The following ARHGAP15 variants were observed in gnomAD, a reference collection of about 807,000 sequenced individuals.
The protein encoded by ARHGAP15 is rho GTPase-activating protein 15.
In ARHGAP15, 51 loss-of-function variants were observed where a neutral mutation model predicts 63.7. The ratio of observed to expected loss-of-function variants is 0.80; its 90% CI spans 0.64 to 1.01. The LOEUF (loss-of-function observed/expected upper bound fraction) is 1.01, where lower values mean the gene tolerates loss of function less well. Ranked by LOEUF, ARHGAP15 falls within the 50% of genes least tolerant of loss-of-function variation. The pLI is 0.00. For synonymous variants in ARHGAP15, 191 were observed against 193.8 expected, an observed-to-expected ratio of 0.99 and a Z score of 0.12; for missense variants, 560 against 564.6, an observed-to-expected ratio of 0.99 and a Z score of 0.08.
intron 8 of ARHGAP15, among the ~76,000 whole-genome samples, chr2:143,443,186 T>C (rs1463976322): frequency 1.3e-5 from 2 of 152,176 alleles, no homozygotes; most frequent in East Asian, 1.9e-4. Context: ...TTTTTTCTTA[T>C]TAAGAATTTT....
chr2:143,728,031 C>T (rs1685360567), intron 13 of ARHGAP15, among the ~76,000 whole-genome samples: 2 of 152,190 alleles, frequency 1.3e-5, no homozygotes, highest in South Asian at 4.1e-4. Flanking sequence ...TCTGGATAAT[C>T]CCAGACTGTG....
Position 143,768,310 on chromosome 2 carries a change from TTG to T in ARHGAP15, c.*142_*143del. Reference sequence around the variant, plus strand: ...ATTTTGTGAAAACTTAATGATGATTTTGTGTTTAAGTTCCAAACATTTGAATA... The same window carrying T: ...ATTTTGTGAAAACTTAATGATGATTTTGTTTAAGTTCCAAACATTTGAATA... On this transcript the variant is annotated 3_prime_UTR_variant, in exon 14 of 14. Coordinates refer to ENST00000295095, the MANE Select transcript of ARHGAP15 (RefSeq NM_018460.4). 1 of 829,352 alleles carries T rather than the reference TTG, an allele frequency of 1.2e-6. No individual in the cohort carries two copies. Among genetic ancestry groups the T allele is most frequent in the Non-Finnish European group, 1.9e-6 (1 of 539,196 alleles). The allele number at this position is 829,352 out of a possible 1,614,324, so 51.4% of individuals were successfully genotyped here.
intron 9 of ARHGAP15, among the ~76,000 whole-genome samples, chr2:143,488,180 C>T (rs551362174): frequency 2.0e-5 from 3 of 152,334 alleles, no homozygotes; most frequent in Admixed American, 6.5e-5. Flanking sequence ...CTCTGTGCCT[C>T]AGCTTTCTCA....
chr2:143,404,033 A>C (rs1021013283), intron 6 of ARHGAP15, among the ~76,000 whole-genome samples: 3 of 151,864 alleles, frequency 2.0e-5, no homozygotes, highest in African/African-American at 7.2e-5. Context: ...CATAATGTTA[A>C]TATTTACTGG....
At chr2:143,639,888 T>C (rs534063297) in intron 12 of ARHGAP15, among the ~76,000 whole-genome samples, 1 of 152,268 alleles carries the variant, frequency 6.6e-6, no homozygotes, top group East Asian at 1.9e-4. Context: ...TTTAACGTCT[T>C]TGTTAAAACA....
chr2:143,567,404 C>T (rs1696273103), intron 11 of ARHGAP15, among the ~76,000 whole-genome samples: 1 of 152,206 alleles, frequency 6.6e-6, no homozygotes. Context: ...AGGACCACAA[C>T]CCAGACCCAG....
At chr2:143,339,104 T>C (rs1684938608) in intron 6 of ARHGAP15, among the ~76,000 whole-genome samples, 2 of 152,152 alleles carry the variant, frequency 1.3e-5, no homozygotes, top group Admixed American at 1.3e-4. Context: ...CTAAAGGATA[T>C]GCCCCTTAAA....
At chr2:143,704,778 A>G (rs943975092) in intron 13 of ARHGAP15, among the ~76,000 whole-genome samples, 1 of 152,194 alleles carries the variant, frequency 6.6e-6, no homozygotes, top group African/African-American at 2.4e-5. Context: ...CACCTCAATC[A>G]CTCATAATTT....
intron 6 of ARHGAP15, among the ~76,000 whole-genome samples, chr2:143,260,814 C>T (rs1375804018): frequency 1.3e-5 from 2 of 152,122 alleles, no homozygotes; most frequent in African/African-American, 4.8e-5. Flanking sequence ...AAGAATGTTG[C>T]TCATCTTCTC....
At chr2:143,136,713 C>T (rs908335793) in intron 1 of ARHGAP15, among the ~76,000 whole-genome samples, 2 of 151,912 alleles carry the variant, frequency 1.3e-5, no homozygotes, top group Non-Finnish European at 2.9e-5. Flanking sequence ...AATAAAAACT[C>T]CTTTTATATT....
At chr2:143,219,214 ATACT>A (rs1227347235) in intron 4 of ARHGAP15, among the ~76,000 whole-genome samples, 3 of 152,206 alleles carry the variant, frequency 2.0e-5, no homozygotes, top group African/African-American at 4.8e-5. Context: ...AGATATACAA[ATACT>A]TACCACTGTG....
intron 6 of ARHGAP15, among the ~76,000 whole-genome samples, chr2:143,426,507 C>A (rs2105066264): frequency 6.6e-6 from 1 of 152,236 alleles, no homozygotes; most frequent in African/African-American, 2.4e-5. Flanking sequence ...ATGCTGCGAA[C>A]CGTAGCCCAG....
Position 143,496,793 on chromosome 2 carries a change from C to T in ARHGAP15, c.826+9298C>T, listed in dbSNP as rs187430018. Among the ~76,000 whole-genome samples, 47 of 152,290 alleles carry T rather than the reference C, an allele frequency of 3.1e-4. 1 individual carries two copies. The highest frequency in any genetic ancestry group is 1.0e-3 in the African/African-American group (43 of 41,548). ...TGCCTAGTAATAGCTATGCTTAATG[C>T]TGGGAATGTAAAATGAATAAAACCC... On this transcript the variant is annotated intron_variant, in intron 9 of 13. Coordinates refer to ENST00000295095, the MANE Select transcript of ARHGAP15 (RefSeq NM_018460.4).
intron 6 of ARHGAP15, among the ~76,000 whole-genome samples, chr2:143,315,868 T>A (rs1683678010): frequency 1.4e-5 from 2 of 143,314 alleles, no homozygotes; most frequent in Admixed American, 6.7e-5. Flanking sequence ...GTGGATCACC[T>A]GAAGTCAGGA....
At chr2:143,509,104 T>C (rs1026134416) in intron 9 of ARHGAP15, among the ~76,000 whole-genome samples, 1 of 152,170 alleles carries the variant, frequency 6.6e-6, no homozygotes, top group Non-Finnish European at 1.5e-5. Flanking sequence ...TCCGCTATCC[T>C]TGTTCGGGGA....
chr2:143,458,526 C>G (rs1052686412), intron 8 of ARHGAP15, among the ~76,000 whole-genome samples: 1 of 152,036 alleles, frequency 6.6e-6, no homozygotes, highest in African/African-American at 2.4e-5. Flanking sequence ...GCTGAAGGGC[C>G]GGTGATCATG....
rs996477741 is a variant in ARHGAP15 at position 143,620,265 on chromosome 2, G to T, written c.1004-3868G>T. 2.6e-5 allele frequency among the ~76,000 whole-genome samples: 4 copies of T among 152,242 alleles called. No individual in the cohort carries two copies. The East Asian group carries it at 7.7e-4, about 29-fold the overall frequency. On this transcript the variant is annotated intron_variant, in intron 11 of 13. Transcript: ENST00000295095. ...AGTGGTAAATCCAGTCCTGGAGTGG[G>T]TGTTTCATATGGTCTTTTTCCTACT...
At chr2:143,470,426 T>C (rs187604462) in intron 8 of ARHGAP15, among the ~76,000 whole-genome samples, 1 of 151,848 alleles carries the variant, frequency 6.6e-6, no homozygotes, top group Non-Finnish European at 1.5e-5. Flanking sequence ...TGGTTTATTT[T>C]CTTAGAGCAT....
intron 11 of ARHGAP15, among the ~76,000 whole-genome samples, chr2:143,582,873 T>C (rs1026362496): frequency 6.6e-6 from 1 of 152,246 alleles, no homozygotes; most frequent in Non-Finnish European, 1.5e-5. Context: ...ACCAGATTGA[T>C]AGTTCCTTTA....
Sources: gnomAD v4.1 joint callset for allele counts (sites outside exome capture counted in the v4.1 genomes callset) on GRCh38, gnomAD v4.1.1 for gene constraint, MANE v1.5 for transcripts, NCBI Gene and HGNC (gene_info 2026-07-23, HGNC 2026-07-21) for gene names.